Variants in DNAH11 observed in about 807,000 individuals in gnomAD.
DNAH11 encodes axonemal beta dynein heavy chain 11.
Under a neutral mutation model 526.0 loss-of-function variants are expected in DNAH11, and 442 were observed. The observed-to-expected ratio is 0.84, with a 90% CI of 0.78 to 0.91. The LOEUF is 0.91. DNAH11 is among the 40% of genes least tolerant of loss of function. DNAH11 has a pLI of 0.00. For missense variants in DNAH11, 6,989 were observed against 5,448.7 expected (o/e 1.28, Z -8.90); for synonymous variants, 2,461 against 1,935.9 (o/e 1.27, Z -7.12).
At chr7:21,797,976 C>G (rs772647238) in intron 61 of DNAH11, among the ~76,000 whole-genome samples, 1 of 152,220 alleles carries the variant, frequency 6.6e-6, no homozygotes, top group African/African-American at 2.4e-5. Flanking sequence ...GCACACCTAC[C>G]TATGAAGTAG....
intron 6 of DNAH11, among the ~76,000 whole-genome samples, chr7:21,565,363 A>G (rs1783624059): frequency 6.6e-6 from 1 of 152,182 alleles, no homozygotes; most frequent in South Asian, 2.1e-4. Context: ...ATACAGTCAC[A>G]TTGGGAGTTA....
intron 34 of DNAH11, among the ~76,000 whole-genome samples, chr7:21,688,524 G>C (rs1222764790): frequency 6.6e-6 from 1 of 152,164 alleles, no homozygotes; most frequent in Admixed American, 6.5e-5. Flanking sequence ...CTGACTACCA[G>C]ATGCCCAGGC....
chr7:21,859,997 C>A (rs1286100238), intron 68 of DNAH11, among the ~76,000 whole-genome samples: 1 of 152,022 alleles, frequency 6.6e-6, no homozygotes, highest in African/African-American at 2.4e-5. Flanking sequence ...CACAGAGAAA[C>A]CCTGTCTCTA....
intron 65 of DNAH11, among the ~76,000 whole-genome samples, chr7:21,835,283 C>T (rs1045816179): frequency 1.3e-5 from 2 of 150,332 alleles, no homozygotes; most frequent in Non-Finnish European, 3.0e-5. Context: ...CCAGCATCAC[C>T]CTGATACTAA....
Position 21,591,279 on chromosome 7 carries a change from G to A in DNAH11, c.2369G>A (p.Arg790Lys). 6.2e-7 allele frequency: 1 copy of A among 1,613,036 alleles called. No homozygotes were observed. The highest frequency in any genetic ancestry group is 8.5e-7 in the Non-Finnish European group (1 of 1,179,298). ...TACCCTCTGATTGAAGATGAGCTGA[G>A]GGCTATTGACGAGCAGCTGACAGCA... Reference protein sequence around the residue: ...VEYPLIEDELRAIDEQLTAAT... With the variant: ...VEYPLIEDELKAIDEQLTAAT... The change falls in exon 14 of 82, where the codon AGG becomes AAG. Residue 790 changes from arginine to lysine, a missense_variant. Arg to Lys is a conservative substitution (Grantham distance 26). Coordinates refer to ENST00000409508, the MANE Select transcript of DNAH11 (RefSeq NM_001277115.2).
In DNAH11 at chr7:21,787,397, G is replaced by A. The variant is rs370896008; in HGVS notation, c.9742-4G>A. On this transcript the variant is annotated splice_region_variant and splice_polypyrimidine_tract_variant and intron_variant, in intron 59 of 81. Transcript: ENST00000409508. ...TCATTGCAATAAATCTTTTTGCTTT[G>A]CAGGTTGATGATTTTTTGCAAGCAT... 1.5e-5 allele frequency: 24 copies of A among 1,594,624 alleles called. No homozygotes were observed. The African/African-American group carries it at 2.0e-4, about 13-fold the overall frequency.
intron 20 of DNAH11, among the ~76,000 whole-genome samples, chr7:21,612,554 C>CAAAAAAAAAAAAAAAAAAAAAAAAAAA (rs34356379): frequency 6.2e-5 from 5 of 81,240 alleles, no homozygotes; most frequent in African/African-American, 2.1e-4. Context: ...GGCTCCGTCT[C>CAAAAAAAAAAAAAAAAAAAAAAAAAAA]AAAAAAAAAA....
At chr7:21,787,275 G>C in intron 59 of DNAH11, 126 bp from the exon 60 acceptor site, 1 of 833,396 alleles carries the variant, frequency 1.2e-6, no homozygotes, top group Admixed American at 2.9e-5. Flanking sequence ...TCAAACAGTA[G>C]GATAAATGCA....
chr7:21,677,476 G>A (rs1383541757), intron 30 of DNAH11, among the ~76,000 whole-genome samples: 1 of 152,156 alleles, frequency 6.6e-6, no homozygotes, highest in Non-Finnish European at 1.5e-5. Context: ...ATACATCTCA[G>A]AGTCAAGCGA....
chr7:21,871,544 TGTTGTAG>T (rs1783494486), intron 73 of DNAH11, among the ~76,000 whole-genome samples: 2 of 152,362 alleles, frequency 1.3e-5, no homozygotes, highest in African/African-American at 4.8e-5. Flanking sequence ...AGTAAGGTAC[TGTTGTAG>T]CCCATAAGAC....
intron 20 of DNAH11, among the ~76,000 whole-genome samples, chr7:21,610,169 G>A (rs372973455): frequency 6.6e-6 from 1 of 152,094 alleles, no homozygotes; most frequent in Non-Finnish European, 1.5e-5. Context: ...CAGGAGAATG[G>A]CGTGAACCTG....
rs139670871 is a variant in DNAH11 at position 21,780,208 on chromosome 7, G to T, written c.9483+1104G>T. Among the ~76,000 whole-genome samples, 751 of 152,226 alleles carry T rather than the reference G, an allele frequency of 4.9e-3. 8 individuals are homozygous for T. The highest frequency in any genetic ancestry group is 0.017 in the African/African-American group (710 of 41,526). The stretch of plus-strand genomic sequence containing the variant: ...AGCGGGCATGTAATTCCTAATTTGG[G>T]TTGTAAATGTTTCTGTTGAGTTTCA... On this transcript the variant is annotated intron_variant, in intron 57 of 81. Transcript: ENST00000409508.
At chr7:21,872,123 CAAAAAAAAAAAAA>C (rs776718319) in intron 73 of DNAH11, among the ~76,000 whole-genome samples, 4 of 30,822 alleles carry the variant, frequency 1.3e-4, no homozygotes, top group African/African-American at 5.0e-4. Flanking sequence ...GACTCTGTCT[CAAAAAAAAAAAAA>C]AAAAAAAAAA....
chr7:21,659,003 C>G lies in DNAH11; in HGVS notation c.5300C>G (p.Thr1767Arg). 1 of 1,605,482 alleles carries G rather than the reference C, an allele frequency of 6.2e-7. No homozygotes were observed. ...AFSRLEEGYE[T>R]ALKDFHKKQI... ...AGTAGACTGGAAGAAGGCTACGAAA[C>G]AGCCCTGAAGGATTTCCATAAAAAA... Residue 1767 changes from threonine to arginine, a missense_variant, in exon 30 of 82, where the codon ACA becomes AGA. Coordinates refer to ENST00000409508, the MANE Select transcript of DNAH11 (RefSeq NM_001277115.2).
intron 54 of DNAH11, among the ~76,000 whole-genome samples, chr7:21,752,356 G>A (rs1285207912): frequency 6.6e-6 from 1 of 152,186 alleles, no homozygotes; most frequent in East Asian, 1.9e-4. Context: ...TGGGTGGGTA[G>A]CTTGTGACTG....
At chr7:21,846,167 A>T (rs1306663173) in intron 66 of DNAH11, among the ~76,000 whole-genome samples, 2 of 152,182 alleles carry the variant, frequency 1.3e-5, no homozygotes, top group Admixed American at 6.5e-5. Context: ...TTATCATGTC[A>T]TGCGTGAACA....
In DNAH11 at chr7:21,739,683, T is replaced by A; in HGVS notation, c.7914+10T>A. 6.3e-7 allele frequency: 1 copy of A among 1,596,306 alleles called. No homozygotes were observed. The highest frequency in any genetic ancestry group is 8.6e-7 in the Non-Finnish European group (1 of 1,165,762). On this transcript the variant is annotated intron_variant, in intron 48 of 81. Transcript: ENST00000409508. Reference sequence around the variant, plus strand: ...CAATCCCAGGCTACAGGTAGGGTGTTGAATACTGCTCTCAAAAACTGTAGG... The same window carrying A: ...CAATCCCAGGCTACAGGTAGGGTGTAGAATACTGCTCTCAAAAACTGTAGG...
rs191472138 is a variant in DNAH11 at position 21,578,494 on chromosome 7, G to T, written c.1594-3411G>T. ...CCCACAACTGCTTTCACTGGCTGAT[G>T]TTGAGTGCCTGCAGCTTTTCCAGGT... On this transcript the variant is annotated intron_variant, in intron 8 of 81. Coordinates refer to ENST00000409508, the MANE Select transcript of DNAH11 (RefSeq NM_001277115.2). Among the ~76,000 whole-genome samples the T allele has an allele frequency of 8.5e-5, 13 of 152,344 alleles. No individual in the cohort carries two copies. The East Asian group carries it at 1.7e-3, about 20-fold the overall frequency.
intron 28 of DNAH11, among the ~76,000 whole-genome samples, chr7:21,651,881 G>A (rs915076184): frequency 1.3e-5 from 2 of 152,234 alleles, no homozygotes; most frequent in African/African-American, 4.8e-5. Flanking sequence ...ATCAGTGACA[G>A]TCATGTCACA....
Sources: allele counts gnomAD v4.1 joint callset (sites outside exome capture counted in the v4.1 genomes callset), GRCh38; gene constraint gnomAD v4.1.1; transcripts MANE v1.5; gene names NCBI Gene and HGNC (gene_info 2026-07-23, HGNC 2026-07-21).